AHCYL2: variants seen among roughly 807,000 people sequenced by gnomAD.
The protein encoded by AHCYL2 is S-adenosylhomocysteine hydrolase-like protein 2.
AHCYL2 carries 28 observed loss-of-function variants against 81.4 expected under a neutral mutation model. That is an observed-to-expected ratio of 0.34 (90% CI 0.25 to 0.47). The LOEUF (loss-of-function observed/expected upper bound fraction) is 0.47. AHCYL2 is among the 20% of genes least tolerant of loss of function. The pLI is 1.00. For missense variants in AHCYL2, 551 were observed against 785.1 expected (o/e 0.70, Z 3.56); for synonymous variants, 272 against 290.2 (o/e 0.94, Z 0.64).
chr7:129,326,959 G>A (rs1205795863), intron 1 of AHCYL2, among the ~76,000 whole-genome samples: 1 of 152,176 alleles, frequency 6.6e-6, no homozygotes, highest in Non-Finnish European at 1.5e-5. Flanking sequence ...TTATGGTGTT[G>A]TGTAGAGGAA....
intron 1 of AHCYL2, among the ~76,000 whole-genome samples, chr7:129,252,805 ATGATTGAT>A (rs745458464): frequency 7.2e-5 from 11 of 151,900 alleles, no homozygotes; most frequent in Non-Finnish European, 1.2e-4. Context: ...AGGTAGATAG[ATGATTGAT>A]TGATTGATTG....
chr7:129,237,985 G>A (rs1794701078), intron 1 of AHCYL2, among the ~76,000 whole-genome samples: 1 of 152,100 alleles, frequency 6.6e-6, no homozygotes, highest in Non-Finnish European at 1.5e-5. Context: ...CTCCCAAAGT[G>A]CTGGGATTAC....
At chr7:129,281,740 C>T (rs539392751) in intron 1 of AHCYL2, among the ~76,000 whole-genome samples, 29 of 151,860 alleles carry the variant, frequency 1.9e-4, no homozygotes, top group East Asian at 9.7e-4. Flanking sequence ...TCAAGTGATC[C>T]GCCTGCCTTG....
chr7:129,409,414 C>T, intron 10 of AHCYL2, 62 bp from the exon 11 acceptor site: 2 of 1,291,712 alleles, frequency 1.5e-6, no homozygotes, highest in Non-Finnish European at 2.2e-6. Flanking sequence ...CTTTTGAAGT[C>T]CTGTGTTAAA....
intron 1 of AHCYL2, among the ~76,000 whole-genome samples, chr7:129,267,521 T>G (rs140582462): frequency 1.3e-5 from 2 of 152,032 alleles, no homozygotes; most frequent in Non-Finnish European, 2.9e-5. Flanking sequence ...TCCAAGCTGG[T>G]CTCGAACTCC....
At chr7:129,370,424 C>A (rs112226876) in intron 1 of AHCYL2, among the ~76,000 whole-genome samples, 1 of 151,838 alleles carries the variant, frequency 6.6e-6, no homozygotes, top group African/African-American at 2.4e-5. Context: ...CAGCCGGGTG[C>A]GGTGGCTCAC....
chr7:129,278,259 A>G (rs1002965356), intron 1 of AHCYL2, among the ~76,000 whole-genome samples: 1 of 151,774 alleles, frequency 6.6e-6, no homozygotes, highest in Non-Finnish European at 1.5e-5. Context: ...TTATTTTTTT[A>G]GAGATGGGGT....
intron 1 of AHCYL2, among the ~76,000 whole-genome samples, chr7:129,273,566 G>A (rs1277820076): frequency 1.3e-5 from 2 of 151,608 alleles, no homozygotes; most frequent in East Asian, 3.9e-4. Flanking sequence ...GACCTCAGGT[G>A]ATCCGCCCAC....
chr7:129,307,578 C>A (rs1199908442), intron 1 of AHCYL2, among the ~76,000 whole-genome samples: 1 of 151,908 alleles, frequency 6.6e-6, no homozygotes, highest in Non-Finnish European at 1.5e-5. Context: ...ACCCCAAGAG[C>A]CTGTTTGGTA....
chr7:129,309,881 C>T (rs1408125319), intron 1 of AHCYL2, among the ~76,000 whole-genome samples: 1 of 152,136 alleles, frequency 6.6e-6, no homozygotes, highest in Non-Finnish European at 1.5e-5. Flanking sequence ...TCTCAGACCC[C>T]TTCCTAATCT....
chr7:129,255,154 G>A (rs568326681), intron 1 of AHCYL2, among the ~76,000 whole-genome samples: 7 of 152,044 alleles, frequency 4.6e-5, no homozygotes, highest in Non-Finnish European at 7.4e-5. Context: ...CCAGCTACTC[G>A]GGAGGCTGAG....
intron 1 of AHCYL2, among the ~76,000 whole-genome samples, chr7:129,374,573 C>T (rs1282398790): frequency 1.3e-5 from 2 of 150,956 alleles, no homozygotes; most frequent in Non-Finnish European, 2.9e-5. Flanking sequence ...TTTGGGAGGC[C>T]GAGGCAGGTG....
intron 1 of AHCYL2, among the ~76,000 whole-genome samples, chr7:129,233,240 A>G (rs1188495860): frequency 6.6e-6 from 1 of 152,146 alleles, no homozygotes; most frequent in African/African-American, 2.4e-5. Flanking sequence ...GCTGGAGTGC[A>G]GTGGTACAGT....
intron 1 of AHCYL2, among the ~76,000 whole-genome samples, chr7:129,264,820 T>G (rs1205985777): frequency 6.6e-6 from 1 of 152,238 alleles, no homozygotes; most frequent in Non-Finnish European, 1.5e-5. Flanking sequence ...CAGTTTCTAC[T>G]TCTTCCTTAC....
At chr7:129,319,264 T>A (rs1222815529) in intron 1 of AHCYL2, among the ~76,000 whole-genome samples, 1 of 152,052 alleles carries the variant, frequency 6.6e-6, no homozygotes, top group Non-Finnish European at 1.5e-5. Context: ...AAGACCAACC[T>A]GGGCAACATG....
chr7:129,352,490 G>A (rs1793602222), intron 1 of AHCYL2, among the ~76,000 whole-genome samples: 1 of 152,040 alleles, frequency 6.6e-6, no homozygotes. Context: ...TGTCCACAAT[G>A]GAATTTTTTA....
chr7:129,401,634 G>C (rs1283050645), intron 6 of AHCYL2, among the ~76,000 whole-genome samples: 14 of 152,238 alleles, frequency 9.2e-5, no homozygotes, highest in Non-Finnish European at 1.5e-5. Flanking sequence ...AGAGTTGACA[G>C]TGGCTGTAAG....
Position 129,422,927 on chromosome 7 carries a change from C to T in AHCYL2, c.1549C>T (p.Leu517=), listed in dbSNP as rs887542773. Residue 517 remains leucine (L), a synonymous_variant, in exon 13 of 17, where the codon CTG becomes TTG. Transcript: ENST00000325006. ...ATGGCCTGATGGCAAGAGGATAGTA[C>T]TGCTGGCAGAGGTAAGGCTGAGACT... ...VIWPDGKRIV[L]LAEGRLLNLS... 2 of 1,613,936 alleles carry T rather than the reference C, an allele frequency of 1.2e-6. No individual in the cohort carries two copies. The highest frequency in any genetic ancestry group is 2.7e-5 in the African/African-American group (2 of 74,896).
chr7:129,288,024 A>G (rs754272695), intron 1 of AHCYL2, among the ~76,000 whole-genome samples: 2 of 152,228 alleles, frequency 1.3e-5, no homozygotes, highest in Non-Finnish European at 2.9e-5. Context: ...CAATTCCATT[A>G]TCATGCTAAA....
Sources: gnomAD v4.1 joint callset for allele counts (sites outside exome capture counted in the v4.1 genomes callset) on GRCh38, gnomAD v4.1.1 for gene constraint, MANE v1.5 for transcripts, NCBI Gene and HGNC (gene_info 2026-07-23, HGNC 2026-07-21) for gene names.